Variants in PCDH9 observed in about 807,000 individuals in gnomAD.
PCDH9 encodes protocadherin-9.
PCDH9 carries 24 observed loss-of-function variants against 70.6 expected under a neutral mutation model. The observed-to-expected ratio is 0.34, with a 90% confidence interval of 0.25 to 0.48. PCDH9 has a LOEUF of 0.48. PCDH9 is among the 20% of genes least tolerant of loss of function. PCDH9 has a pLI of 0.99. For synonymous variants in PCDH9, 562 were observed against 558.5 expected (o/e 1.01, Z -0.09); for missense variants, 1,281 against 1,503.6 (o/e 0.85, Z 2.45).
chr13:66,495,643 C>T (rs1467457609), intron 4 of PCDH9, among the ~76,000 whole-genome samples: 1 of 152,108 alleles, frequency 6.6e-6, no homozygotes, highest in Non-Finnish European at 1.5e-5. Flanking sequence ...TCAACTAGAG[C>T]ATTCTAAAAA....
intron 4 of PCDH9, among the ~76,000 whole-genome samples, chr13:66,462,074 G>T (rs1265347887): frequency 2.6e-5 from 4 of 151,746 alleles, no homozygotes; most frequent in African/African-American, 9.7e-5. Context: ...TGTAAGCTAT[G>T]GTTAGTGTGA....
intron 2 of PCDH9, among the ~76,000 whole-genome samples, chr13:67,087,492 C>A (rs990334412): frequency 6.6e-6 from 1 of 152,106 alleles, no homozygotes; most frequent in African/African-American, 2.4e-5. Context: ...TCAACCATTA[C>A]TCACAGATAA....
intron 3 of PCDH9, among the ~76,000 whole-genome samples, chr13:66,735,227 A>G (rs1180195663): frequency 6.6e-6 from 1 of 152,196 alleles, no homozygotes; most frequent in African/African-American, 2.4e-5. Flanking sequence ...TTTGACACAT[A>G]TGCTGACTGG....
At chr13:66,717,167 T>A (rs2078875143) in intron 3 of PCDH9, among the ~76,000 whole-genome samples, 3 of 151,920 alleles carry the variant, frequency 2.0e-5, no homozygotes, top group Non-Finnish European at 4.4e-5. Context: ...AAAAATACAA[T>A]GAAGCTGGCC....
intron 3 of PCDH9, among the ~76,000 whole-genome samples, chr13:66,830,720 T>A (rs1006365999): frequency 6.6e-6 from 1 of 152,158 alleles, no homozygotes; most frequent in African/African-American, 2.4e-5. Flanking sequence ...AACAAATATG[T>A]AAGTCAACTC....
At chr13:66,345,201 A>T (rs1240876837) in intron 4 of PCDH9, among the ~76,000 whole-genome samples, 1 of 152,252 alleles carries the variant, frequency 6.6e-6, no homozygotes, top group South Asian at 2.1e-4. Context: ...AGTTGCCAAG[A>T]TGTTCCAGGC....
intron 3 of PCDH9, among the ~76,000 whole-genome samples, chr13:66,891,747 A>C (rs960113625): frequency 6.6e-6 from 1 of 152,100 alleles, no homozygotes; most frequent in African/African-American, 2.4e-5. Flanking sequence ...TTAAATTCAC[A>C]TATTTAGTAT....
chr13:66,324,296 AG>A (rs1288370893), intron 4 of PCDH9, among the ~76,000 whole-genome samples: 1 of 152,046 alleles, frequency 6.6e-6, no homozygotes, highest in Non-Finnish European at 1.5e-5. Context: ...GAGACAAAAA[AG>A]GTAGATCTAT....
intron 2 of PCDH9, among the ~76,000 whole-genome samples, chr13:66,912,343 T>C (rs1029134381): frequency 6.6e-6 from 1 of 152,194 alleles, no homozygotes; most frequent in Non-Finnish European, 1.5e-5. Context: ...AAATACATAC[T>C]GAAACTGACT....
intron 2 of PCDH9, among the ~76,000 whole-genome samples, chr13:67,156,033 A>G (rs1174064519): frequency 1.3e-5 from 2 of 152,152 alleles, no homozygotes; most frequent in African/African-American, 4.8e-5. Flanking sequence ...CCGGAGATAC[A>G]GGAGTGCTGG....
chr13:66,960,191 G>C (rs1300527082), intron 2 of PCDH9, among the ~76,000 whole-genome samples: 1 of 152,162 alleles, frequency 6.6e-6, no homozygotes, highest in East Asian at 1.9e-4. Context: ...ATTTCAAACA[G>C]AGCTTTTGAT....
chr13:66,795,982 T>A lies in PCDH9; in HGVS notation c.3138+107522A>T, dbSNP rs111417328. 3.0e-3 allele frequency among the ~76,000 whole-genome samples: 458 copies of A among 152,298 alleles called. 2 individuals carry two copies. Among genetic ancestry groups the A allele is most frequent in the African/African-American group, 0.011 (437 of 41,568 alleles). ...GCCCAGTAATGTTCTAGGATGGCTG[T>A]CTGCACGCTGCCTCCTCCATTTTAT... On this transcript the variant is annotated intron_variant, in intron 3 of 4. Transcript: ENST00000377865.
At chr13:66,707,623 A>C (rs1324681737) in intron 3 of PCDH9, among the ~76,000 whole-genome samples, 1 of 152,196 alleles carries the variant, frequency 6.6e-6, no homozygotes, top group African/African-American at 2.4e-5. Flanking sequence ...TAACCCAGAG[A>C]GATTATCAAG....
chr13:66,695,533 A>G (rs2078550345), intron 3 of PCDH9, among the ~76,000 whole-genome samples: 1 of 152,218 alleles, frequency 6.6e-6, no homozygotes, highest in Non-Finnish European at 1.5e-5. Context: ...TTTCTATGCT[A>G]GAAGTAAATG....
chr13:67,143,395 C>A (rs2087444273), intron 2 of PCDH9, among the ~76,000 whole-genome samples: 1 of 152,066 alleles, frequency 6.6e-6, no homozygotes, highest in South Asian at 2.1e-4. Context: ...GTATACTATT[C>A]CCTCTGCTAG....
At chr13:66,770,413 A>G (rs2079788606) in intron 3 of PCDH9, among the ~76,000 whole-genome samples, 1 of 128,446 alleles carries the variant, frequency 7.8e-6, no homozygotes, top group Non-Finnish European at 1.8e-5. Flanking sequence ...AGGTTTTAGT[A>G]GTATGCCCAA....
chr13:67,109,863 T>C (rs1360199722), intron 2 of PCDH9, among the ~76,000 whole-genome samples: 2 of 152,174 alleles, frequency 1.3e-5, no homozygotes, highest in East Asian at 1.9e-4. Flanking sequence ...AATCACAACA[T>C]ATGTGATGAA....
At chr13:66,452,926 T>TCATCCATATATCCATC (rs1958242369) in intron 4 of PCDH9, among the ~76,000 whole-genome samples, 2 of 152,186 alleles carry the variant, frequency 1.3e-5, no homozygotes, top group Non-Finnish European at 2.9e-5. Context: ...TAGAATATGC[T>TCATCCATATATCCATC]CATCCATCTA....
chr13:66,922,518 A>T (rs1301560598), intron 2 of PCDH9, among the ~76,000 whole-genome samples: 1 of 151,440 alleles, frequency 6.6e-6, no homozygotes, highest in Non-Finnish European at 1.5e-5. Context: ...GGAGTAAAGT[A>T]ATAGGACAAA....
Sources: gnomAD v4.1 joint callset for allele counts (sites outside exome capture counted in the v4.1 genomes callset) on GRCh38, gnomAD v4.1.1 for gene constraint, MANE v1.5 for transcripts, NCBI Gene and HGNC (gene_info 2026-07-23, HGNC 2026-07-21) for gene names.